Variants in PLEKHA7 observed in about 807,000 individuals in gnomAD.
The protein encoded by PLEKHA7 is pleckstrin homology domain-containing family A member 7.
In PLEKHA7, 104 loss-of-function variants were observed where a neutral mutation model predicts 170.0. The ratio of observed to expected loss-of-function variants is 0.61; its 90% CI spans 0.52 to 0.72. The LOEUF is 0.72. Among genes scored for constraint, PLEKHA7 ranks in the 30% least tolerant of loss-of-function variants. PLEKHA7 has a pLI of 0.00. For missense variants in PLEKHA7, 1,615 were observed against 1,671.7 expected, an observed-to-expected ratio of 0.97 and a Z score of 0.59; for synonymous variants, 648 against 660.8, an observed-to-expected ratio of 0.98 and a Z score of 0.30.
At chr11:16,866,207 C>T (rs941465145) in intron 4 of PLEKHA7, among the ~76,000 whole-genome samples, 1 of 152,174 alleles carries the variant, frequency 6.6e-6, no homozygotes, top group African/African-American at 2.4e-5. Context: ...TGAAGTGGTC[C>T]CGTAACTTAC....
intron 4 of PLEKHA7, among the ~76,000 whole-genome samples, chr11:16,858,396 T>C (rs578065401): frequency 9.2e-5 from 14 of 152,310 alleles, no homozygotes; most frequent in African/African-American, 2.9e-4. Context: ...TCCACCTCTG[T>C]AGGACGAAGA....
Position 16,789,892 on chromosome 11 carries a change from G to C in PLEKHA7, c.3053-14C>G. 6.2e-7 allele frequency: 1 copy of C among 1,609,742 alleles called. No individual in the cohort carries two copies. The highest frequency in any genetic ancestry group is 8.5e-7 in the Non-Finnish European group (1 of 1,176,038). On this transcript the variant is annotated splice_polypyrimidine_tract_variant and intron_variant, in intron 21 of 26. Transcript: ENST00000531066. This position sits in a 1 kb window ranked among gnomAD's most constrained non-coding sequence, Gnocchi z 4.6. ...ACCCTGAGAGCCCTTAGTGAGGAAA[G>C]AGAAGTGCAAGCATGTTTGTGCTGG...
Position 16,806,022 on chromosome 11 carries a change from C to T in PLEKHA7, c.2008-2727G>A, listed in dbSNP as rs112414676. The stretch of plus-strand genomic sequence containing the variant: ...ATGTTCCGTTTGCTCATTTGTCTCT[C>T]CTCACTAGAGAGTAACCTAATTAGG... On this transcript the variant is annotated intron_variant, in intron 13 of 26. Transcript: ENST00000531066. Among the ~76,000 whole-genome samples the T allele has an allele frequency of 4.9e-3, 750 of 152,306 alleles. 5 individuals are homozygous for T. The highest frequency in any genetic ancestry group is 0.017 in the African/African-American group (705 of 41,564).
chr11:16,831,968 A>G (rs1851152613), intron 9 of PLEKHA7, among the ~76,000 whole-genome samples: 1 of 152,232 alleles, frequency 6.6e-6, no homozygotes, highest in African/African-American at 2.4e-5. Flanking sequence ...GGATGATCAT[A>G]TAACATAGCT....
At chr11:16,813,877 CTT>C (rs960400634) in intron 12 of PLEKHA7, among the ~76,000 whole-genome samples, 2 of 152,224 alleles carry the variant, frequency 1.3e-5, no homozygotes, top group Non-Finnish European at 2.9e-5. Context: ...GAAAAAGACT[CTT>C]TGATTTCCCA....
chr11:16,868,821 G>A (rs942181694), intron 4 of PLEKHA7, among the ~76,000 whole-genome samples: 1 of 152,138 alleles, frequency 6.6e-6, no homozygotes, highest in African/African-American at 2.4e-5. Context: ...GGGATGTTTC[G>A]GTAGTAGGAA....
chr11:16,790,701 C>T, intron 21 of PLEKHA7, 97 bp downstream of exon 21: 1 of 1,263,062 alleles, frequency 7.9e-7, no homozygotes, highest in East Asian at 2.4e-5. Flanking sequence ...CACTCCTAGG[C>T]CTAGAGCTGC....
chr11:16,910,259 G>T (rs1264881387), intron 3 of PLEKHA7, among the ~76,000 whole-genome samples: 3 of 152,130 alleles, frequency 2.0e-5, no homozygotes, highest in African/African-American at 7.2e-5. Flanking sequence ...ATCAGATAAG[G>T]AAAGGAGTTC....
At chr11:16,873,823 C>T (rs986820637) in intron 3 of PLEKHA7, among the ~76,000 whole-genome samples, 4 of 152,152 alleles carry the variant, frequency 2.6e-5, no homozygotes, top group Admixed American at 2.6e-4. Flanking sequence ...CCTGCCACCA[C>T]ATTTGACTAA....
intron 12 of PLEKHA7, chr11:16,813,415 T>C (rs1460603503): frequency 9.7e-6 from 4 of 412,502 alleles, no homozygotes; most frequent in Non-Finnish European, 1.4e-5. Context: ...GGGGAAGAGT[T>C]TGGCAGGGAG....
At chr11:17,006,492 G>C (rs1865001935) in intron 3 of PLEKHA7, among the ~76,000 whole-genome samples, 1 of 151,550 alleles carries the variant, frequency 6.6e-6, no homozygotes, top group Non-Finnish European at 1.5e-5. Flanking sequence ...GCCAGGCATG[G>C]TGGCGCATGC....
chr11:16,866,322 T>C (rs1231026016), intron 4 of PLEKHA7, among the ~76,000 whole-genome samples: 2 of 151,894 alleles, frequency 1.3e-5, no homozygotes, highest in East Asian at 2.0e-4. Context: ...CTGGGCACAG[T>C]AGCTCATGCC....
intron 4 of PLEKHA7, among the ~76,000 whole-genome samples, chr11:16,866,073 C>A (rs1391654478): frequency 1.3e-5 from 2 of 151,732 alleles, no homozygotes; most frequent in East Asian, 4.0e-4. Context: ...TCCTGACCCA[C>A]CCGCCTTGGC....
rs374566971 is a variant in PLEKHA7, at chr11:16,779,988, G to C, written c.3794-968C>G. On this transcript the variant is annotated intron_variant, in intron 26 of 26. Coordinates refer to ENST00000531066, the MANE Select transcript of PLEKHA7 (RefSeq NM_001329630.2). ...TCATCTCTAAAACGGGGAGGGGGGG[G>C]GGAATATCTTCATAGGGTTGTTGTG... is the stretch of plus-strand genomic sequence containing the variant. 7.0e-3 allele frequency among the ~76,000 whole-genome samples: 1,018 copies of C among 144,494 alleles called. 16 individuals are homozygous for C. Among genetic ancestry groups the C allele is most frequent in the African/African-American group, 0.025 (929 of 37,764 alleles). 94.8% of individuals were successfully genotyped at this position (144,494 alleles called of 152,430 possible). A position where few individuals can be genotyped will look rare whatever the true frequency, so the allele number is the denominator to read the frequency against.
chr11:17,000,406 A>G (rs1864595253), intron 3 of PLEKHA7, among the ~76,000 whole-genome samples: 2 of 152,190 alleles, frequency 1.3e-5, no homozygotes, highest in Non-Finnish European at 2.9e-5. Flanking sequence ...AAACCTGTTC[A>G]TCTTCTCTCT....
At chr11:16,975,322 C>A (rs1862993890) in intron 3 of PLEKHA7, among the ~76,000 whole-genome samples, 2 of 152,068 alleles carry the variant, frequency 1.3e-5, no homozygotes, top group South Asian at 4.1e-4. Flanking sequence ...TGATCAGCTA[C>A]CACAATAAAG....
chr11:16,829,078 ACTGCAGCCTTGATCTG>A (rs1850897162), intron 9 of PLEKHA7, among the ~76,000 whole-genome samples: 1 of 151,090 alleles, frequency 6.6e-6, no homozygotes, highest in Non-Finnish European at 1.5e-5. Flanking sequence ...ATCACGGCTC[ACTGCAGCCTTGATCTG>A]CTGGGCTCAA....
intron 8 of PLEKHA7, among the ~76,000 whole-genome samples, chr11:16,848,324 G>C (rs1308735945): frequency 6.6e-6 from 1 of 152,236 alleles, no homozygotes; most frequent in Non-Finnish European, 1.5e-5. Context: ...GTGTGCAACA[G>C]AAGTTTTCAA....
At chr11:16,815,551 G>GTCT (rs1488608440) in intron 12 of PLEKHA7, among the ~76,000 whole-genome samples, 1 of 152,128 alleles carries the variant, frequency 6.6e-6, no homozygotes, top group Non-Finnish European at 1.5e-5. Context: ...CTTTGAGACA[G>GTCT]TCTTGCTTTG....
Sources: allele counts gnomAD v4.1 joint callset (sites outside exome capture counted in the v4.1 genomes callset), GRCh38; gene constraint gnomAD v4.1.1; non-coding constraint Gnocchi (gnomAD v3.1); transcripts MANE v1.5; gene names NCBI Gene and HGNC (gene_info 2026-07-23, HGNC 2026-07-21).